WDSUB1: variants seen among roughly 807,000 people sequenced by gnomAD.
The protein encoded by WDSUB1 is WD repeat, sterile alpha motif and U-box domain containing 1.
WDSUB1 carries 49 observed loss-of-function variants against 53.9 expected under a neutral mutation model. That is an observed-to-expected ratio of 0.91 (90% CI 0.72 to 1.15). The LOEUF (loss-of-function observed/expected upper bound fraction) is 1.15. Among genes scored for constraint, WDSUB1 ranks in the 50% most tolerant of loss-of-function variants. The probability of loss-of-function intolerance (pLI) is 0.00; values close to 1 mark genes in which losing one functional copy is unlikely to be tolerated. For missense variants in WDSUB1, 514 were observed against 562.0 expected, an observed-to-expected ratio of 0.91 and a Z score of 0.86; for synonymous variants, 194 against 200.6, an observed-to-expected ratio of 0.97 and a Z score of 0.28.
At chr2:159,270,631 G>A (rs2061427878) in intron 5 of WDSUB1, among the ~76,000 whole-genome samples, 1 of 152,170 alleles carries the variant, frequency 6.6e-6, no homozygotes, top group Non-Finnish European at 1.5e-5. Context: ...GGATATTCAC[G>A]TAGAAAGGAA....
chr2:159,284,291 G>T (rs1027394176), intron 1 of WDSUB1, among the ~76,000 whole-genome samples: 2 of 152,162 alleles, frequency 1.3e-5, no homozygotes, highest in African/African-American at 2.4e-5. Flanking sequence ...ATTTGATGTT[G>T]AGCTTTCAAA....
chr2:159,269,963 CA>C (rs2061416181), intron 5 of WDSUB1, among the ~76,000 whole-genome samples: 1 of 152,142 alleles, frequency 6.6e-6, no homozygotes, highest in Non-Finnish European at 1.5e-5. Context: ...CTGTTATTGC[CA>C]CTTTTATTAT....
At chr2:159,276,745 G>T (rs957493112) in intron 3 of WDSUB1, among the ~76,000 whole-genome samples, 1 of 152,174 alleles carries the variant, frequency 6.6e-6, no homozygotes, top group African/African-American at 2.4e-5. Context: ...TTGAGGCTGG[G>T]CATGGTGGCT....
chr2:159,267,456 A>G (rs1225158437), intron 5 of WDSUB1, among the ~76,000 whole-genome samples: 15 of 152,136 alleles, frequency 9.9e-5, no homozygotes, highest in Admixed American at 9.8e-4. Context: ...ACACACCCCT[A>G]TGCCCAGCTA....
chr2:159,239,926 C>T (rs889763920), intron 10 of WDSUB1, among the ~76,000 whole-genome samples: 1 of 152,196 alleles, frequency 6.6e-6, no homozygotes, highest in African/African-American at 2.4e-5. Flanking sequence ...ATGCTTTCTG[C>T]AGAAACTGTT....
chr2:159,245,232 C>T (rs2060766203), intron 10 of WDSUB1, among the ~76,000 whole-genome samples: 2 of 152,232 alleles, frequency 1.3e-5, no homozygotes, highest in South Asian at 4.2e-4. Flanking sequence ...GACTTCAAGA[C>T]TTACTATAAA....
chr2:159,259,863 T>C lies in WDSUB1; in HGVS notation c.771-20A>G, dbSNP rs1170522820. 1 of 1,501,894 alleles carries C rather than the reference T, an allele frequency of 6.7e-7. No homozygotes were observed. Among genetic ancestry groups the C allele is most frequent in the Non-Finnish European group, 9.0e-7 (1 of 1,107,900 alleles). The allele number at this position is 1,501,894 out of a possible 1,614,324, so 93.0% of individuals were successfully genotyped here. A position where few individuals can be genotyped will look rare whatever the true frequency, so the allele number is the denominator to read the frequency against. On this transcript the variant is annotated intron_variant, in intron 5 of 10. Coordinates refer to ENST00000359774, the MANE Select transcript of WDSUB1 (RefSeq NM_001128212.3). Reference sequence around the variant, plus strand: ...ACTGACCTTAAAAGAAAATAAATTATAGGTGAAAAGTTCTATAAAAACAAA... The same window carrying C: ...ACTGACCTTAAAAGAAAATAAATTACAGGTGAAAAGTTCTATAAAAACAAA...
chr2:159,275,669 T>C (rs530701036), intron 3 of WDSUB1, 31 bp from the exon 4 acceptor site: 5 of 1,523,124 alleles, frequency 3.3e-6, no homozygotes, highest in Admixed American at 2.2e-5. Context: ...ATACAGAGAA[T>C]TTGTAAAACA....
rs1026927183 is a variant in WDSUB1, at chr2:159,235,868, G to A, written c.*165C>T. The A allele has an allele frequency of 1.8e-6, 1 of 554,966 alleles. No homozygotes were observed. The highest frequency in any genetic ancestry group is 4.3e-5 in the Admixed American group (1 of 23,052). 34.4% of individuals were successfully genotyped at this position (554,966 alleles called of 1,614,324 possible). A position where few individuals can be genotyped will look rare whatever the true frequency, so the allele number is the denominator to read the frequency against. ...TAGTACAAAAAGGCTTTTATAGTAA[G>A]TCCATGTGTTTTTTAAAGAATGAAA... On this transcript the variant is annotated 3_prime_UTR_variant, in exon 11 of 11. Coordinates refer to ENST00000359774, the MANE Select transcript of WDSUB1 (RefSeq NM_001128212.3).
chr2:159,254,453 C>T (rs774016083), intron 9 of WDSUB1, among the ~76,000 whole-genome samples: 4 of 152,006 alleles, frequency 2.6e-5, no homozygotes, highest in Non-Finnish European at 5.9e-5. Flanking sequence ...TCCAGCTACT[C>T]ACGAGGCCGA....
At chr2:159,259,771 TA>T in intron 6 of WDSUB1, 38 bp downstream of exon 6, 2 of 1,497,598 alleles carry the variant, frequency 1.3e-6, no homozygotes, top group Non-Finnish European at 1.8e-6. Context: ...CTAATAAACA[TA>T]ACTTTCATAG....
intron 1 of WDSUB1, among the ~76,000 whole-genome samples, chr2:159,285,497 A>G (rs6746978): frequency 0.57 from 86,565 of 151,826 alleles, 25,966 homozygotes; most frequent in African/African-American, 0.71. Context: ...CTTGAGCCCA[A>G]GAGTTTAAGA....
At chr2:159,251,248 AGAGT>A (rs2060945921) in intron 9 of WDSUB1, among the ~76,000 whole-genome samples, 1 of 152,058 alleles carries the variant, frequency 6.6e-6, no homozygotes, top group South Asian at 2.1e-4. Context: ...CCCGGGCAAC[AGAGT>A]GAGACTCTGT....
chr2:159,250,874 T>C (rs1251234552), intron 9 of WDSUB1, among the ~76,000 whole-genome samples: 1 of 152,096 alleles, frequency 6.6e-6, no homozygotes. Flanking sequence ...TCCACCTGGG[T>C]AGAGACATGG....
At chr2:159,272,526 AAAGCTCAGT>A (rs2061464532) in intron 4 of WDSUB1, among the ~76,000 whole-genome samples, 1 of 152,194 alleles carries the variant, frequency 6.6e-6, no homozygotes, top group African/African-American at 2.4e-5. Context: ...TCACATTTCA[AAAGCTCAGT>A]AATGGATTTT....
At chr2:159,285,863 C>G (rs531713740) in intron 1 of WDSUB1, among the ~76,000 whole-genome samples, 1 of 152,304 alleles carries the variant, frequency 6.6e-6, no homozygotes, top group Non-Finnish European at 1.5e-5. Context: ...GTACTGCTGT[C>G]TTGAAAACAA....
chr2:159,261,890 ATATATATTTTTTTTTTTTTTTTTTTTTTT>A (rs2061229533), intron 5 of WDSUB1, among the ~76,000 whole-genome samples: 1 of 13,660 alleles, frequency 7.3e-5, no homozygotes, highest in African/African-American at 4.3e-4. Flanking sequence ...ATATATATAT[ATATATATTTTTTTTTTTTTTTTTTTTTTT>A]TTTTTTTTTT....
Position 159,283,107 on chromosome 2 carries a change from G to A in WDSUB1, c.-24-14C>T. On this transcript the variant is annotated splice_polypyrimidine_tract_variant and intron_variant, in intron 1 of 10. Coordinates refer to ENST00000359774, the MANE Select transcript of WDSUB1 (RefSeq NM_001128212.3). ...AAGAAAAACAGCCTGAAATTTTTAA[G>A]CAGATAAAGATTATTTATTCTAGGA... 6.4e-7 allele frequency: 1 copy of A among 1,567,674 alleles called. No homozygotes were observed. Among genetic ancestry groups the A allele is most frequent in the Non-Finnish European group, 8.7e-7 (1 of 1,154,622 alleles).
chr2:159,259,865 G>T lies in WDSUB1; in HGVS notation c.771-22C>A, dbSNP rs779522587. ...TGACCTTAAAAGAAAATAAATTATAGGTGAAAAGTTCTATAAAAACAAAGT... is the reference window on the plus strand; with the variant it reads ...TGACCTTAAAAGAAAATAAATTATATGTGAAAAGTTCTATAAAAACAAAGT... On this transcript the variant is annotated intron_variant, in intron 5 of 10. Coordinates refer to ENST00000359774, the MANE Select transcript of WDSUB1 (RefSeq NM_001128212.3). 3.3e-6 allele frequency: 5 copies of T among 1,497,260 alleles called. No homozygotes were observed. In the South Asian group the frequency reaches 4.9e-5, roughly 15 times the overall value. The allele number at this position is 1,497,260 out of a possible 1,614,324, so 92.7% of individuals were successfully genotyped here.
Sources: allele counts gnomAD v4.1 joint callset (sites outside exome capture counted in the v4.1 genomes callset), GRCh38; gene constraint gnomAD v4.1.1; transcripts MANE v1.5; gene names NCBI Gene and HGNC (gene_info 2026-07-23, HGNC 2026-07-21).